The following GASK1A variants were observed in gnomAD, a reference collection of about 807,000 sequenced individuals.
GASK1A encodes Golgi-associated kinase 1A.
A neutral mutation model predicts 41.2 loss-of-function variants in GASK1A; 40 were observed. The ratio of observed to expected loss-of-function variants is 0.97; its 90% confidence interval spans 0.75 to 1.27. GASK1A has a LOEUF of 1.27. Ranked by LOEUF, GASK1A falls within the 50% of genes most tolerant of loss-of-function variation. The pLI, the probability that GASK1A is intolerant of heterozygous loss-of-function variation, is 0.00. For missense variants in GASK1A, 678 were observed against 745.1 expected, an observed-to-expected ratio of 0.91 and a Z score of 1.05; for synonymous variants, 316 against 307.1, an observed-to-expected ratio of 1.03 and a Z score of -0.30.
chr3:43,057,226 T>C lies in GASK1A; in HGVS notation c.*840T>C, dbSNP rs1285923758. On this transcript the variant is annotated 3_prime_UTR_variant, in exon 5 of 5. Coordinates refer to ENST00000430121, the MANE Select transcript of GASK1A (RefSeq NM_001129908.3). ...TTAGCTGGTCCCATAATCATGAACA[T>C]TTAAGTAGCTCCAATTTTTCATCAA... 1 of 152,234 alleles carries C rather than the reference T, an allele frequency of 6.6e-6. No individual in the cohort carries two copies. The highest frequency in any genetic ancestry group is 1.5e-5 in the Non-Finnish European group (1 of 68,038). 9.4% of individuals were successfully genotyped at this position (152,234 alleles called of 1,614,324 possible). A position where few individuals can be genotyped will look rare whatever the true frequency, so the allele number is the denominator to read the frequency against.
At chr3:42,983,984 A>G (rs920719006) in intron 1 of GASK1A, among the ~76,000 whole-genome samples, 66 of 152,180 alleles carry the variant, frequency 4.3e-4, no homozygotes, top group African/African-American at 1.6e-3. Flanking sequence ...AGATGCCGAC[A>G]TCCTTCCAAT....
At chr3:43,039,623 G>A (rs1165412297) in intron 2 of GASK1A, among the ~76,000 whole-genome samples, 2 of 152,162 alleles carry the variant, frequency 1.3e-5, no homozygotes, top group African/African-American at 4.8e-5. Context: ...TGTCACCCAG[G>A]TTATAAGCAT....
chr3:43,043,461 A>G (rs834187), intron 2 of GASK1A, among the ~76,000 whole-genome samples: 149,289 of 152,320 alleles, frequency 0.98, 73,244 homozygotes, highest in Middle Eastern at 1. Context: ...CATGCTGGCA[A>G]CCAGTCATGC....
intron 1 of GASK1A, among the ~76,000 whole-genome samples, chr3:42,997,532 G>C (rs2089383350): frequency 1.3e-5 from 2 of 152,064 alleles, no homozygotes; most frequent in African/African-American, 4.8e-5. Context: ...GTATCTCCCA[G>C]GGGCCTCTCC....
chr3:43,032,923 C>T lies in GASK1A; in HGVS notation c.660C>T (p.Pro220=). The change falls in exon 2 of 5, where the codon CCC becomes CCT. Residue 220 remains proline (P), a synonymous_variant. Coordinates refer to ENST00000430121, the MANE Select transcript of GASK1A (RefSeq NM_001129908.3). ...ALTGGQQAED[P]TLASGAHQWP... Reference sequence around the variant, plus strand: ...CTGGTGGGCAACAAGCAGAGGATCCCACCTTGGCCTCAGGAGCTCATCAGT... The same window carrying T: ...CTGGTGGGCAACAAGCAGAGGATCCTACCTTGGCCTCAGGAGCTCATCAGT... 1 of 1,551,162 alleles carries T rather than the reference C, an allele frequency of 6.4e-7. No homozygotes were observed. Among genetic ancestry groups the T allele is most frequent in the Non-Finnish European group, 8.7e-7 (1 of 1,146,780 alleles).
At chr3:43,039,210 T>G (rs1322811068) in intron 2 of GASK1A, among the ~76,000 whole-genome samples, 1 of 146,364 alleles carries the variant, frequency 6.8e-6, no homozygotes, top group Non-Finnish European at 1.5e-5. Flanking sequence ...TTTTGGTTTT[T>G]TTTTTTTTTT....
chr3:42,995,741 CCTT>C (rs1460354953), intron 1 of GASK1A, among the ~76,000 whole-genome samples: 1 of 152,210 alleles, frequency 6.6e-6, no homozygotes, highest in African/African-American at 2.4e-5. Context: ...GCTCCCCTCC[CCTT>C]CTTCTCTGAG....
At chr3:43,007,348 G>T (rs566864988) in intron 1 of GASK1A, among the ~76,000 whole-genome samples, 1 of 152,224 alleles carries the variant, frequency 6.6e-6, no homozygotes, top group South Asian at 2.1e-4. Flanking sequence ...ACTGTCCCAG[G>T]TGTCTCCCAG....
At position 43,054,912 on chromosome 3, in the gene GASK1A, G is replaced by A. The variant is rs182634493; in HGVS notation, c.1414-520G>A. ...GCACAGGCACAGGTGGCACAAAGGG[G>A]TGACTGAGTGTGTGTACACATGTGA... is the stretch of plus-strand genomic sequence containing the variant. On this transcript the variant is annotated intron_variant, in intron 3 of 4. Coordinates refer to ENST00000430121, the MANE Select transcript of GASK1A (RefSeq NM_001129908.3). Among the ~76,000 whole-genome samples the A allele has an allele frequency of 5.8e-4, 88 of 152,312 alleles. No individual in the cohort carries two copies. In the East Asian group the frequency reaches 0.014, roughly 24 times the overall value.
chr3:42,981,371 A>G (rs1389814546), intron 1 of GASK1A, among the ~76,000 whole-genome samples: 3 of 152,174 alleles, frequency 2.0e-5, no homozygotes, highest in Non-Finnish European at 4.4e-5. Context: ...GGGAGGAGAC[A>G]GGGGGCTAGG....
At chr3:43,002,819 A>C (rs2089417002) in intron 1 of GASK1A, among the ~76,000 whole-genome samples, 1 of 152,102 alleles carries the variant, frequency 6.6e-6, no homozygotes, top group Non-Finnish European at 1.5e-5. Flanking sequence ...TGTGGTTCAC[A>C]TTGTATTTCT....
At chr3:43,042,380 G>A (rs2089642403) in intron 2 of GASK1A, among the ~76,000 whole-genome samples, 1 of 151,940 alleles carries the variant, frequency 6.6e-6, no homozygotes, top group Non-Finnish European at 1.5e-5. Context: ...CTCCTCAGGA[G>A]GCTGAGGGGG....
At chr3:43,029,995 T>A (rs62247069) in intron 1 of GASK1A, among the ~76,000 whole-genome samples, 29,320 of 152,002 alleles carry the variant, frequency 0.19, 3,108 homozygotes, top group South Asian at 0.35. Context: ...GAAAGACTCT[T>A]TTGTGATTTT....
intron 1 of GASK1A, among the ~76,000 whole-genome samples, chr3:42,987,402 T>G (rs1449851386): frequency 6.6e-6 from 1 of 151,980 alleles, no homozygotes; most frequent in Non-Finnish European, 1.5e-5. Context: ...TAAAGCCTGG[T>G]ACTGTGGCGT....
rs2089700952 is a variant in GASK1A at position 43,053,561 on chromosome 3, C to T, written c.1331C>T (p.Pro444Leu). 2 of 1,551,684 alleles carry T rather than the reference C, an allele frequency of 1.3e-6. No homozygotes were observed. Among genetic ancestry groups the T allele is most frequent in the African/African-American group, 1.4e-5 (1 of 73,178 alleles). The change falls in exon 3 of 5, where the codon CCT (proline) becomes CTT (leucine). Residue 444 changes from proline (P) to leucine (L), a missense_variant. By Grantham distance (98) the Pro-to-Leu change is moderately conservative. Transcript: ENST00000430121. ...GATCGCTACTGCTGTGGCTTCGAGC[C>T]TGAGCCCTCAGACCCCTGTGTGGAA... ...RLDRYCCGFE[P>L]EPSDPCVEER...
At chr3:43,028,479 G>A (rs553933089) in intron 1 of GASK1A, among the ~76,000 whole-genome samples, 1 of 152,214 alleles carries the variant, frequency 6.6e-6, no homozygotes, top group African/African-American at 2.4e-5. Flanking sequence ...GACTAAATAT[G>A]TATGGCATAT....
chr3:43,032,255 C>T lies in GASK1A; in HGVS notation c.4-12C>T, dbSNP rs2089579135. 3.3e-6 allele frequency: 5 copies of T among 1,501,980 alleles called. No individual in the cohort carries two copies. The South Asian group carries it at 6.5e-5, about 19-fold the overall frequency. The allele number at this position is 1,501,980 out of a possible 1,614,324, so 93.0% of individuals were successfully genotyped here. A position where few individuals can be genotyped will look rare whatever the true frequency, so the allele number is the denominator to read the frequency against. On this transcript the variant is annotated splice_polypyrimidine_tract_variant and intron_variant, in intron 1 of 4. Transcript: ENST00000430121. ...CCAGATCTCAAGCTTTTCTTTCTACCCTGTCTCTCAGGCGTCTTGGCTCCG... is the reference window on the plus strand; with the variant it reads ...CCAGATCTCAAGCTTTTCTTTCTACTCTGTCTCTCAGGCGTCTTGGCTCCG...
In GASK1A at chr3:42,979,335, C is replaced by A; in HGVS notation, c.-308C>A. 2.8e-6 allele frequency: 1 copy of A among 354,590 alleles called. No individual in the cohort carries two copies. The highest frequency in any genetic ancestry group is 1.5e-4 in the South Asian group (1 of 6,638). The allele number at this position is 354,590 out of a possible 1,614,324, so 22.0% of individuals were successfully genotyped here. On this transcript the variant is annotated 5_prime_UTR_variant, in exon 1 of 5. Coordinates refer to ENST00000430121, the MANE Select transcript of GASK1A (RefSeq NM_001129908.3). ...GACTTTGCAAACTCTGCAAAAGTCC[C>A]GAGTAGACCGCAGAGGCTCGCGGCC... is the stretch of plus-strand genomic sequence containing the variant.
At chr3:43,031,035 C>T (rs2089573002) in intron 1 of GASK1A, among the ~76,000 whole-genome samples, 1 of 152,118 alleles carries the variant, frequency 6.6e-6, no homozygotes, top group Non-Finnish European at 1.5e-5. Context: ...TTCTGTTTAC[C>T]CGTGTGCCTT....
Sources: gnomAD v4.1 joint callset for allele counts (sites outside exome capture counted in the v4.1 genomes callset) on GRCh38, gnomAD v4.1.1 for gene constraint, MANE v1.5 for transcripts, NCBI Gene and HGNC (gene_info 2026-07-23, HGNC 2026-07-21) for gene names.